Variants in ZXDC observed in about 807,000 individuals in gnomAD.
The protein encoded by ZXDC is ZXD family zinc finger C.
Under a neutral mutation model 63.6 loss-of-function variants are expected in ZXDC, and 58 were observed. That is an observed-to-expected ratio of 0.91 (90% CI 0.74 to 1.13). ZXDC has a LOEUF of 1.13. Among genes scored for constraint, ZXDC ranks in the 50% most tolerant of loss-of-function variants. The probability of loss-of-function intolerance (pLI) is 0.00; values close to 1 mark genes in which losing one functional copy is unlikely to be tolerated. For missense variants in ZXDC, 1,133 were observed against 1,148.9 expected, an observed-to-expected ratio of 0.99 and a Z score of 0.20; for synonymous variants, 561 against 496.1, an observed-to-expected ratio of 1.13 and a Z score of -1.74.
At chr3:126,459,122 G>A (rs914113674) in intron 7 of ZXDC, 56 of 985,336 alleles carry the variant, frequency 5.7e-5, no homozygotes, top group South Asian at 3.3e-4. Flanking sequence ...TTTTTAGGAA[G>A]GACAGATGCT....
chr3:126,467,195 C>A (rs1215965729), intron 4 of ZXDC, among the ~76,000 whole-genome samples: 3 of 152,136 alleles, frequency 2.0e-5, no homozygotes, highest in African/African-American at 7.2e-5. Context: ...CACCCTGCAG[C>A]AGAGCAGATG....
Position 126,475,738 on chromosome 3 carries a change from A to G in ZXDC, c.128T>C (p.Val43Ala), listed in dbSNP as rs1220336854. ...ASPARRRLLL[V>A]RGPEDGGPGA... ...GGGCCCGCCATCTTCAGGGCCCCGC[A>G]CCAGTAGCAGGCGGCGGCGCGCGGG... The change falls in exon 1 of 10, where the codon GTG becomes GCG. Residue 43 changes from valine to alanine, a missense_variant. Transcript: ENST00000389709. The G allele has an allele frequency of 3.4e-6, 4 of 1,184,458 alleles. No homozygotes were observed. Among genetic ancestry groups the G allele is most frequent in the East Asian group, 3.8e-5 (1 of 26,372 alleles). The allele number at this position is 1,184,458 out of a possible 1,614,324, so 73.4% of individuals were successfully genotyped here.
At position 126,470,972 on chromosome 3, in the gene ZXDC, G is replaced by C. The variant is rs1484878191; in HGVS notation, c.1193C>G (p.Ser398Ter). ...FTCPVEGCGK[S>*]FTRAEHLKGH... ...TTTCAGATGCTCTGCTCTGGTGAAT[G>C]ATTTCCCACAGCCCTCGACAGGGCA... The change falls in exon 4 of 10, where the codon TCA becomes TGA. Residue 398 changes from serine to a stop codon, truncating the protein, a stop_gained. Coordinates refer to ENST00000389709, the MANE Select transcript of ZXDC (RefSeq NM_025112.5). LOFTEE classifies it high-confidence loss of function. 1 of 1,614,216 alleles carries C rather than the reference G, an allele frequency of 6.2e-7. No individual in the cohort carries two copies. The highest frequency in any genetic ancestry group is 1.7e-5 in the Admixed American group (1 of 60,026).
At chr3:126,439,205 G>T (rs1028030548) in intron 9 of ZXDC, among the ~76,000 whole-genome samples, 1 of 152,258 alleles carries the variant, frequency 6.6e-6, no homozygotes, top group Admixed American at 6.5e-5. Context: ...AAGGCAAACT[G>T]TTAGAAATGT....
rs570507098 is a variant in ZXDC, at chr3:126,441,887, G to T, written c.2272C>A (p.His758Asn). The T allele has an allele frequency of 2.5e-6, 4 of 1,613,516 alleles. No homozygotes were observed. The highest frequency in any genetic ancestry group is 1.7e-5 in the Admixed American group (1 of 59,918). Residue 758 changes from histidine (H) to asparagine (N), a missense_variant, in exon 8 of 10, where the codon CAT becomes AAT. Physicochemically the swap from His to Asn is moderately conservative, Grantham distance 68 (BLOSUM62 1). Transcript: ENST00000389709. ...CACAACCAACTGTTCTGGCTTGCAT[G>T]GAAATGGGGAGGACTCATTTTGCCT... ...KEGKMSPPHF[H>N]ASQNSWLCGS...
At chr3:126,449,360 G>A (rs762820216) in intron 7 of ZXDC, among the ~76,000 whole-genome samples, 9 of 152,088 alleles carry the variant, frequency 5.9e-5, no homozygotes, top group Non-Finnish European at 8.8e-5. Flanking sequence ...CATGCCCAGC[G>A]TCTCTGAATC....
chr3:126,444,121 C>T (rs1210381576), intron 7 of ZXDC, among the ~76,000 whole-genome samples: 4 of 152,216 alleles, frequency 2.6e-5, no homozygotes, highest in African/African-American at 4.8e-5. Flanking sequence ...TGCCTGCCCA[C>T]GAAGCCCCAG....
chr3:126,446,479 A>C (rs1576664449), intron 7 of ZXDC, among the ~76,000 whole-genome samples: 1 of 152,188 alleles, frequency 6.6e-6, no homozygotes, highest in Admixed American at 6.6e-5. Context: ...CCATCCCCAC[A>C]CCAGTAGCAC....
At chr3:126,452,563 C>T (rs375846848) in intron 7 of ZXDC, 62 of 982,378 alleles carry the variant, frequency 6.3e-5, no homozygotes, top group African/African-American at 2.4e-4. Flanking sequence ...AGTTATTCAC[C>T]GATCTATTAT....
In ZXDC at chr3:126,439,641, G is replaced by A. The variant is rs778265886; in HGVS notation, c.2481C>T (p.Tyr827=). 7.1e-6 allele frequency: 11 copies of A among 1,553,294 alleles called. No individual in the cohort carries two copies. The highest frequency in any genetic ancestry group is 1.2e-5 in the South Asian group (1 of 84,174). ...AGTAAGGCATCCAGACCTGGAGGAC[G>A]TAGACGGGCAGGTCCACAGTGAGGA... ...LPFLTVDLPV[Y]VLQEVLPSSG... The change falls in exon 9 of 10, where the codon TAC becomes TAT. Residue 827 remains tyrosine (Y), a synonymous_variant. Transcript: ENST00000389709.
Position 126,475,297 on chromosome 3 carries a change from T to C in ZXDC, c.569A>G (p.His190Arg). Residue 190 changes from histidine to arginine, a missense_variant, in exon 1 of 10, where the codon CAC (histidine) becomes CGC (arginine). His to Arg is a conservative substitution (Grantham distance 29). Coordinates refer to ENST00000389709, the MANE Select transcript of ZXDC (RefSeq NM_025112.5). ...CGTGAGCAGGTGCACCTTGAGCTGG[T>C]GCTTCTTGGCGAAGGCCAGCGCGCA... ...PQCALAFAKK[H>R]QLKVHLLTHG... The C allele has an allele frequency of 6.5e-7, 1 of 1,549,692 alleles. No individual in the cohort carries two copies. Among genetic ancestry groups the C allele is most frequent in the South Asian group, 1.2e-5 (1 of 84,078 alleles).
Position 126,461,586 on chromosome 3 carries a change from C to A in ZXDC, c.2076G>T (p.Gln692His). The change falls in exon 6 of 10, where the codon CAG becomes CAT. Residue 692 changes from glutamine (Q) to histidine (H), a missense_variant. Transcript: ENST00000389709. ...TGAGCTCTGTGTCCTGGGCACCGTGCTGCTCTGCTGGACTGGGCAACGTGG... is the reference window on the plus strand; with the variant it reads ...TGAGCTCTGTGTCCTGGGCACCGTGATGCTCTGCTGGACTGGGCAACGTGG... ...PQSTLPSPAE[Q>H]HGAQDTELSA... 6.2e-7 allele frequency: 1 copy of A among 1,614,222 alleles called. No individual in the cohort carries two copies. The highest frequency in any genetic ancestry group is 8.5e-7 in the Non-Finnish European group (1 of 1,180,038).
In ZXDC at chr3:126,459,104, C is replaced by T. The variant is rs988291484; in HGVS notation, c.2212+549G>A. 2.3e-5 allele frequency: 23 copies of T among 985,332 alleles called. No homozygotes were observed. In the African/African-American group the frequency reaches 3.8e-4, roughly 16 times the overall value. 61.0% of individuals were successfully genotyped at this position (985,332 alleles called of 1,614,324 possible). A position where few individuals can be genotyped will look rare whatever the true frequency, so the allele number is the denominator to read the frequency against. ...AGTTTCCATTAAGCACTACATCCCA[C>T]TATTCCATTTTTAGGAAGGACAGAT... On this transcript the variant is annotated intron_variant, in intron 7 of 9. Transcript: ENST00000389709.
chr3:126,457,236 A>G (rs1250951364), intron 7 of ZXDC: 1 of 983,418 alleles, frequency 1.0e-6, no homozygotes, highest in Non-Finnish European at 1.2e-6. Context: ...TAAATGCAGC[A>G]TGAGTATGCA....
chr3:126,452,087 C>A, intron 7 of ZXDC: 1 of 985,358 alleles, frequency 1.0e-6, no homozygotes, highest in Non-Finnish European at 1.2e-6. Context: ...GAAATGCCAT[C>A]TTTTCCACAC....
At chr3:126,454,938 C>T (rs1934248409) in intron 7 of ZXDC, 1 of 985,320 alleles carries the variant, frequency 1.0e-6, no homozygotes, top group South Asian at 4.7e-5. Context: ...TGGGAAGAGT[C>T]TTGGATTTCA....
At chr3:126,472,479 A>G (rs1166881182) in intron 1 of ZXDC, among the ~76,000 whole-genome samples, 174 bp from the exon 2 acceptor site, 1 of 152,226 alleles carries the variant, frequency 6.6e-6, no homozygotes, top group Non-Finnish European at 1.5e-5. Context: ...TGATCACCAC[A>G]GGAAGGCAGC....
At position 126,461,603 on chromosome 3, in the gene ZXDC, G is replaced by A; in HGVS notation, c.2059C>T (p.Pro687Ser). 2 of 1,614,150 alleles carry A rather than the reference G, an allele frequency of 1.2e-6. No individual in the cohort carries two copies. Among genetic ancestry groups the A allele is most frequent in the Non-Finnish European group, 1.7e-6 (2 of 1,180,028 alleles). ...GCACCGTGCTGCTCTGCTGGACTGG[G>A]CAACGTGGACTGGGGCAGCCCATGG... Reference protein sequence around the residue: ...GSHGLPQSTLPSPAEQHGAQD... With the variant: ...GSHGLPQSTLSSPAEQHGAQD... The change falls in exon 6 of 10, where the codon CCC becomes TCC. Residue 687 changes from proline to serine, a missense_variant. Pro to Ser is a moderately conservative substitution (Grantham distance 74). Transcript: ENST00000389709.
intron 1 of ZXDC, among the ~76,000 whole-genome samples, chr3:126,472,642 G>T (rs184907971): frequency 6.6e-6 from 1 of 152,178 alleles, no homozygotes; most frequent in East Asian, 1.9e-4. Context: ...AGAACCCCAT[G>T]AGAGAAATCA....
Sources: gnomAD v4.1 joint callset for allele counts (sites outside exome capture counted in the v4.1 genomes callset) on GRCh38, gnomAD v4.1.1 for gene constraint, MANE v1.5 for transcripts, NCBI Gene and HGNC (gene_info 2026-07-23, HGNC 2026-07-21) for gene names.